The following PTPRD variants were observed in gnomAD, a reference collection of about 807,000 sequenced individuals.
PTPRD encodes the protein protein tyrosine phosphatase receptor type D.
A neutral mutation model predicts 214.5 loss-of-function variants in PTPRD; 34 were observed. The observed-to-expected ratio is 0.16, with a 90% CI of 0.12 to 0.21. PTPRD has a LOEUF of 0.21. Among genes scored for constraint, PTPRD ranks in the 10% least tolerant of loss-of-function variants. PTPRD has a pLI of 1.00. For synonymous variants in PTPRD, 1,128 were observed against 845.7 expected (o/e 1.33, Z -5.79); for missense variants, 2,545 against 2,398.7 (o/e 1.06, Z -1.27).
intron 10 of PTPRD, among the ~76,000 whole-genome samples, chr9:9,106,018 A>T (rs867871296): frequency 6.6e-6 from 1 of 152,086 alleles, no homozygotes. Context: ...CTAGGACATC[A>T]TAATTAGAAA....
chr9:9,437,786 C>T (rs2085916027), intron 8 of PTPRD, among the ~76,000 whole-genome samples: 1 of 152,136 alleles, frequency 6.6e-6, no homozygotes, highest in Non-Finnish European at 1.5e-5. Flanking sequence ...TCACAGTTAA[C>T]CCGAGGGGAT....
intron 10 of PTPRD, among the ~76,000 whole-genome samples, chr9:9,068,967 T>C (rs777196265): frequency 3.9e-4 from 59 of 152,160 alleles, no homozygotes; most frequent in Non-Finnish European, 8.1e-4. Flanking sequence ...TTCCGGGTAA[T>C]AGGCAAATAT....
intron 3 of PTPRD, among the ~76,000 whole-genome samples, chr9:10,112,583 C>T (rs2098700373): frequency 6.6e-6 from 1 of 152,148 alleles, no homozygotes; most frequent in African/African-American, 2.4e-5. Context: ...AGATGTGTAA[C>T]AGCATATGAT....
At chr9:9,470,425 T>C (rs1452931066) in intron 8 of PTPRD, among the ~76,000 whole-genome samples, 3 of 152,172 alleles carry the variant, frequency 2.0e-5, no homozygotes, top group Admixed American at 2.0e-4. Context: ...GAATAAATAA[T>C]ATTGTTATTT....
At chr9:8,627,789 C>CA (rs956888396) in intron 14 of PTPRD, among the ~76,000 whole-genome samples, 2 of 151,864 alleles carry the variant, frequency 1.3e-5, no homozygotes, top group African/African-American at 4.8e-5. Context: ...AGACTATCCA[C>CA]ATGGGCTTCT....
At chr9:10,311,377 C>T (rs2096263071) in intron 3 of PTPRD, among the ~76,000 whole-genome samples, 1 of 151,954 alleles carries the variant, frequency 6.6e-6, no homozygotes, top group African/African-American at 2.4e-5. Context: ...AACAAAAATG[C>T]AATCTCTTCT....
chr9:10,133,656 T>C (rs1206202601), intron 3 of PTPRD, among the ~76,000 whole-genome samples: 1 of 152,044 alleles, frequency 6.6e-6, no homozygotes, highest in Non-Finnish European at 1.5e-5. Context: ...AAGTAAATAA[T>C]ATGTAAAGTA....
At chr9:9,803,183 T>C (rs2153516142) in intron 5 of PTPRD, among the ~76,000 whole-genome samples, 1 of 151,628 alleles carries the variant, frequency 6.6e-6, no homozygotes, top group Admixed American at 6.6e-5. Flanking sequence ...GGTGGTCTAA[T>C]ATTGGAGTAA....
chr9:8,946,712 A>C (rs1215258457), intron 11 of PTPRD, among the ~76,000 whole-genome samples: 1 of 152,200 alleles, frequency 6.6e-6, no homozygotes, highest in Non-Finnish European at 1.5e-5. Context: ...AAATGTTAAC[A>C]GATCCCCAGG....
chr9:9,438,094 C>G (rs757048978), intron 8 of PTPRD, among the ~76,000 whole-genome samples: 3 of 152,026 alleles, frequency 2.0e-5, no homozygotes, highest in Non-Finnish European at 4.4e-5. Flanking sequence ...ATCCTAATGT[C>G]CTCTTCTCAT....
At chr9:9,287,828 T>C (rs1003818047) in intron 9 of PTPRD, among the ~76,000 whole-genome samples, 3 of 151,854 alleles carry the variant, frequency 2.0e-5, no homozygotes, top group East Asian at 3.9e-4. Flanking sequence ...CAGGAAACTA[T>C]AGGAAACAAC....
At chr9:10,309,392 G>C (rs1297584667) in intron 3 of PTPRD, among the ~76,000 whole-genome samples, 1 of 151,754 alleles carries the variant, frequency 6.6e-6, no homozygotes, top group Non-Finnish European at 1.5e-5. Flanking sequence ...TCACTCTGTT[G>C]CCTAGGCTGA....
chr9:9,625,590 G>C (rs1460147922), intron 7 of PTPRD, among the ~76,000 whole-genome samples: 2 of 150,970 alleles, frequency 1.3e-5, no homozygotes, highest in Admixed American at 6.6e-5. Context: ...GGGAGGATGG[G>C]ACTCAAAATA....
At position 10,119,733 on chromosome 9, in the gene PTPRD, C is replaced by T. The variant is rs1244752428; in HGVS notation, c.-544-85943G>A. 2.0e-5 allele frequency among the ~76,000 whole-genome samples: 3 copies of T among 152,014 alleles called. No homozygotes were observed. In the East Asian group the frequency reaches 5.8e-4, roughly 29 times the overall value. ...GTTCCACAGCAAGAAGGGAAATCAT[C>T]GTCTTCTGTTAGAACAAAAATTTAT... On this transcript the variant is annotated intron_variant, in intron 3 of 45. Transcript: ENST00000381196.
intron 35 of PTPRD, among the ~76,000 whole-genome samples, chr9:8,419,310 T>C (rs1314942263): frequency 1.3e-5 from 2 of 151,936 alleles, no homozygotes; most frequent in Non-Finnish European, 2.9e-5. Flanking sequence ...AATTTTATTC[T>C]GAAAAAGACA....
chr9:8,532,393 T>A (rs1245877136), intron 14 of PTPRD, among the ~76,000 whole-genome samples: 1 of 152,108 alleles, frequency 6.6e-6, no homozygotes, highest in Non-Finnish European at 1.5e-5. Context: ...TAAAACTGCC[T>A]TGGCCATTTG....
chr9:9,240,215 T>G (rs1232353502), intron 9 of PTPRD, among the ~76,000 whole-genome samples: 1 of 152,168 alleles, frequency 6.6e-6, no homozygotes, highest in African/African-American at 2.4e-5. Context: ...TTCTGAAACT[T>G]TAAAGTGAAA....
intron 7 of PTPRD, among the ~76,000 whole-genome samples, chr9:9,698,968 C>G (rs898576865): frequency 6.6e-6 from 1 of 152,094 alleles, no homozygotes; most frequent in Admixed American, 6.6e-5. Flanking sequence ...ATTCACTGTT[C>G]CTTGTGTCTA....
chr9:8,830,475 A>G (rs1246452522), intron 11 of PTPRD, among the ~76,000 whole-genome samples: 2 of 152,194 alleles, frequency 1.3e-5, no homozygotes, highest in South Asian at 2.1e-4. Flanking sequence ...ACAAGAAAGG[A>G]AAGTGGAGAA....
Sources: allele counts gnomAD v4.1 joint callset (sites outside exome capture counted in the v4.1 genomes callset), GRCh38; gene constraint gnomAD v4.1.1; transcripts MANE v1.5; gene names NCBI Gene and HGNC (gene_info 2026-07-23, HGNC 2026-07-21).